The following NDST1 variants were observed in gnomAD, a reference collection of about 807,000 sequenced individuals.
NDST1 encodes bifunctional heparan sulfate N-deacetylase/N-sulfotransferase 1.
A neutral mutation model predicts 92.8 loss-of-function variants in NDST1; 35 were observed. That is an observed-to-expected ratio of 0.38 (90% CI 0.29 to 0.50). The LOEUF (loss-of-function observed/expected upper bound fraction) is 0.50. NDST1 is among the 20% of genes least tolerant of loss of function. The pLI is 0.94. For synonymous variants in NDST1, 493 were observed against 500.3 expected (o/e 0.99, Z 0.19); for missense variants, 822 against 1,182.7 (o/e 0.69, Z 4.47).
intron 9 of NDST1, 76 bp downstream of exon 9, chr5:150,541,742 C>A: frequency 7.3e-7 from 1 of 1,367,238 alleles, no homozygotes; most frequent in Non-Finnish European, 1.0e-6. Flanking sequence ...GACTGCCTTG[C>A]CCTGGCCCCA....
At position 150,553,359 on chromosome 5, in the gene NDST1, G is replaced by A. The variant is rs202124867; in HGVS notation, c.*27G>A. Reference sequence around the variant, plus strand: ...CGTGGCCACCACAGCCAGACTGAACGTTTGTGAAAGCTGGGACATCCCACC... The same window carrying A: ...CGTGGCCACCACAGCCAGACTGAACATTTGTGAAAGCTGGGACATCCCACC... On this transcript the variant is annotated 3_prime_UTR_variant, in exon 15 of 15. Coordinates refer to ENST00000261797, the MANE Select transcript of NDST1 (RefSeq NM_001543.5). The surrounding 1 kb of genome is among the most constrained non-coding windows in gnomAD (Gnocchi z 4.2). The A allele has an allele frequency of 1.1e-4, 173 of 1,609,676 alleles. No individual in the cohort carries two copies. The African/African-American group carries it at 2.1e-3, about 19-fold the overall frequency.
At position 150,521,683 on chromosome 5, in the gene NDST1, G is replaced by C; in HGVS notation, c.429G>C (p.Lys143Asn). 6.2e-7 allele frequency: 1 copy of C among 1,614,108 alleles called. No homozygotes were observed. The highest frequency in any genetic ancestry group is 8.5e-7 in the Non-Finnish European group (1 of 1,180,036). Residue 143 changes from lysine (K) to asparagine (N), a missense_variant, in exon 2 of 15, where the codon AAG (lysine) becomes AAC (asparagine). Coordinates refer to ENST00000261797, the MANE Select transcript of NDST1 (RefSeq NM_001543.5). The surrounding 1 kb of genome is among the most constrained non-coding windows in gnomAD (Gnocchi z 5.9). ...FALIIYENIL[K>N]YVNLDAWNRE... ...TCATCATCTATGAGAACATCCTCAA[G>C]TATGTCAACCTGGACGCCTGGAACC...
chr5:150,540,023 G>A lies in NDST1; in HGVS notation c.1567-59G>A, dbSNP rs375483323. The A allele has an allele frequency of 5.3e-3, 8,391 of 1,598,242 alleles. 35 individuals carry two copies. Among genetic ancestry groups the A allele is most frequent in the Non-Finnish European group, 6.2e-3 (7,201 of 1,166,234 alleles). ...CAGGGTCAGAAGGGTCAGAGTTGGC[G>A]GTGAGGGTGGCTCAGACACTGATGG... On this transcript the variant is annotated intron_variant, in intron 7 of 14. Transcript: ENST00000261797.
chr5:150,519,709 G>C (rs1376413281), intron 1 of NDST1, among the ~76,000 whole-genome samples: 2 of 152,084 alleles, frequency 1.3e-5, no homozygotes, highest in African/African-American at 4.8e-5. Flanking sequence ...AAGAAGAAAA[G>C]AAAGTTGCTC....
At chr5:150,500,338 C>T (rs1753175195) in intron 1 of NDST1, among the ~76,000 whole-genome samples, 2 of 152,164 alleles carry the variant, frequency 1.3e-5, no homozygotes, top group Admixed American at 1.3e-4. Flanking sequence ...TGCATGGAGC[C>T]CAGGGCTGGT....
chr5:150,517,993 G>A (rs1754060149), intron 1 of NDST1, among the ~76,000 whole-genome samples: 1 of 152,194 alleles, frequency 6.6e-6, no homozygotes, highest in Non-Finnish European at 1.5e-5. Flanking sequence ...CTTATCAATG[G>A]TAAATGGGAC....
chr5:150,524,427 A>G (rs1182012876), intron 2 of NDST1, among the ~76,000 whole-genome samples: 3 of 152,336 alleles, frequency 2.0e-5, no homozygotes, highest in African/African-American at 7.2e-5. Context: ...CTGGATCCCT[A>G]CTTCCTGGCA....
At chr5:150,502,375 G>T (rs771284612) in intron 1 of NDST1, among the ~76,000 whole-genome samples, 1 of 152,134 alleles carries the variant, frequency 6.6e-6, no homozygotes, top group Non-Finnish European at 1.5e-5. Context: ...AGTGTTGACC[G>T]CAAGGTTTCT....
At chr5:150,546,992 T>TAG (rs1320896416) in intron 11 of NDST1, among the ~76,000 whole-genome samples, 2 of 152,000 alleles carry the variant, frequency 1.3e-5, no homozygotes, top group East Asian at 1.9e-4. Context: ...GAACGTAGGG[T>TAG]AGAGAGAGAG....
At chr5:150,526,297 T>G (rs760603846) in intron 2 of NDST1, among the ~76,000 whole-genome samples, 1 of 152,212 alleles carries the variant, frequency 6.6e-6, no homozygotes, top group Non-Finnish European at 1.5e-5. Context: ...GTGATTTCAG[T>G]GAATGTCTCT....
At position 150,539,299 on chromosome 5, in the gene NDST1, T is replaced by C; in HGVS notation, c.1509T>C (p.Ser503=). The C allele has an allele frequency of 6.2e-7, 1 of 1,613,776 alleles. No individual in the cohort carries two copies. Among genetic ancestry groups the C allele is most frequent in the Non-Finnish European group, 8.5e-7 (1 of 1,179,770 alleles). ...IFYNEYPGGS[S]ELDKIINGGE... ...ACAACGAGTACCCTGGCGGCTCCAG[T>C]GAGCTGGACAAGATCATCAACGGGG... is the stretch of plus-strand genomic sequence containing the variant. The change falls in exon 7 of 15, where the codon AGT becomes AGC. Residue 503 remains serine, a synonymous_variant. Coordinates refer to ENST00000261797, the MANE Select transcript of NDST1 (RefSeq NM_001543.5).
intron 1 of NDST1, among the ~76,000 whole-genome samples, chr5:150,519,270 G>T (rs562693642): frequency 6.6e-5 from 10 of 152,320 alleles, no homozygotes; most frequent in African/African-American, 2.4e-4. Context: ...TAGTCTTGGA[G>T]CTGGAAGGGA....
At chr5:150,507,190 C>G (rs1040308866), upstream of NDST1, among the ~76,000 whole-genome samples, 2 of 152,180 alleles carry the variant, frequency 1.3e-5, no homozygotes, top group Non-Finnish European at 2.9e-5. Context: ...GGACCCTTGG[C>G]CACCCACGTG....
chr5:150,505,139 G>A (rs1373029096), upstream of NDST1, among the ~76,000 whole-genome samples: 1 of 152,226 alleles, frequency 6.6e-6, no homozygotes, highest in African/African-American at 2.4e-5. Context: ...TGGCTGTGGT[G>A]TGCTGATGGC....
intron 11 of NDST1, among the ~76,000 whole-genome samples, chr5:150,547,341 G>A (rs1360786824): frequency 6.6e-6 from 1 of 152,188 alleles, no homozygotes; most frequent in African/African-American, 2.4e-5. Flanking sequence ...CGAGGAGGAC[G>A]CTGCTGTGCA....
At chr5:150,517,134 A>G (rs932164387) in intron 1 of NDST1, among the ~76,000 whole-genome samples, 2 of 151,910 alleles carry the variant, frequency 1.3e-5, no homozygotes, top group African/African-American at 4.8e-5. Flanking sequence ...CCCCATTATC[A>G]ACATCCCCCA....
intron 4 of NDST1, 44 bp from the exon 5 acceptor site, chr5:150,534,823 C>T (rs1754912165): frequency 2.5e-6 from 4 of 1,613,720 alleles, no homozygotes; most frequent in South Asian, 1.1e-5. Context: ...GTTAGAGGGC[C>T]TCATGGCCCA....
At chr5:150,519,325 C>A (rs1380441723) in intron 1 of NDST1, among the ~76,000 whole-genome samples, 1 of 152,162 alleles carries the variant, frequency 6.6e-6, no homozygotes, top group African/African-American at 2.4e-5. Flanking sequence ...GCCTTGAATT[C>A]CCCCCTGGCC....
intron 1 of NDST1, among the ~76,000 whole-genome samples, chr5:150,517,977 G>C (rs1471356004): frequency 6.6e-6 from 1 of 152,230 alleles, no homozygotes; most frequent in African/African-American, 2.4e-5. Context: ...GCGGCCACAG[G>C]CTGCCCTTAT....
Sources: gnomAD v4.1 joint callset for allele counts (sites outside exome capture counted in the v4.1 genomes callset) on GRCh38, gnomAD v4.1.1 for gene constraint, Gnocchi (gnomAD v3.1) non-coding constraint, MANE v1.5 for transcripts, NCBI Gene and HGNC (gene_info 2026-07-23, HGNC 2026-07-21) for gene names.